The following IL1RAPL1 variants were observed in gnomAD, a reference collection of about 807,000 sequenced individuals.
The protein encoded by IL1RAPL1 is interleukin-1 receptor accessory protein-like 1.
In IL1RAPL1, 3 loss-of-function variants were observed where a neutral mutation model predicts 48.4. The ratio of observed to expected loss-of-function variants is 0.06; its 90% confidence interval spans 0.03 to 0.16. The LOEUF is 0.16. Ranked by LOEUF, IL1RAPL1 falls within the 10% of genes least tolerant of loss-of-function variation. The pLI, the probability that IL1RAPL1 is intolerant of heterozygous loss-of-function variation, is 1.00. For missense variants in IL1RAPL1, 349 were observed against 530.6 expected (o/e 0.66, Z 3.36); for synonymous variants, 185 against 187.7 (o/e 0.99, Z 0.12).
intron 5 of IL1RAPL1, among the ~76,000 whole-genome samples, chrX:29,421,841 C>G (rs1030391097): frequency 1.1e-4 from 12 of 112,109 alleles, no homozygotes; most frequent in African/African-American, 3.9e-4. Context: ...GTCCTGTTTG[C>G]AGCCTGGTAC....
intron 5 of IL1RAPL1, among the ~76,000 whole-genome samples, chrX:29,565,246 C>A (rs1922361262): frequency 9.1e-6 from 1 of 109,665 alleles, no homozygotes; most frequent in African/African-American, 3.3e-5. Context: ...GAAATTACTC[C>A]AGATGAAATG....
At chrX:29,125,981 T>C (rs974176978) in intron 2 of IL1RAPL1, among the ~76,000 whole-genome samples, 1 of 109,379 alleles carries the variant, frequency 9.1e-6, no homozygotes, top group Non-Finnish European at 1.9e-5. Flanking sequence ...AAATACATCA[T>C]CTGTACCATG....
intron 2 of IL1RAPL1, among the ~76,000 whole-genome samples, chrX:29,216,240 AG>A (rs1353081339): frequency 9.0e-6 from 1 of 110,642 alleles, no homozygotes. Flanking sequence ...CCCAGGCTGG[AG>A]TGCAGTGGTG....
At chrX:29,741,038 C>T (rs930823840) in intron 6 of IL1RAPL1, among the ~76,000 whole-genome samples, 1 of 111,848 alleles carries the variant, frequency 8.9e-6, no homozygotes, top group Non-Finnish European at 1.9e-5. Context: ...AAGAAATATA[C>T]AAAAATAGTC....
chrX:29,178,604 A>T (rs1000386869), intron 2 of IL1RAPL1, among the ~76,000 whole-genome samples: 1 of 111,388 alleles, frequency 9.0e-6, no homozygotes, highest in Non-Finnish European at 1.9e-5. Flanking sequence ...GTTTAATTAG[A>T]TCCCATTTGT....
intron 6 of IL1RAPL1, among the ~76,000 whole-genome samples, chrX:29,671,583 G>A (rs1926143033): frequency 8.9e-6 from 1 of 112,255 alleles, no homozygotes; most frequent in Non-Finnish European, 1.9e-5. Context: ...TATGTGAATA[G>A]CACTTTTTTG....
intron 2 of IL1RAPL1, among the ~76,000 whole-genome samples, chrX:29,185,112 C>G (rs1379915397): frequency 8.9e-6 from 1 of 111,825 alleles, no homozygotes; most frequent in African/African-American, 3.3e-5. Context: ...TCTAAATGAT[C>G]GTGAGTAATT....
intron 1 of IL1RAPL1, among the ~76,000 whole-genome samples, chrX:28,616,346 C>T (rs7056889): frequency 0.08 from 8,961 of 111,737 alleles, 290 homozygotes; most frequent in African/African-American, 0.12. Flanking sequence ...GATTTATGTA[C>T]AGATCAAAGC....
chrX:28,806,592 A>T (rs1461451361), intron 2 of IL1RAPL1, among the ~76,000 whole-genome samples: 2 of 111,275 alleles, frequency 1.8e-5, no homozygotes, highest in African/African-American at 6.5e-5. Flanking sequence ...GGTGAATAGA[A>T]GTGGCCTACA....
In IL1RAPL1 at chrX:29,270,117, A is replaced by G. The variant is rs190747256; in HGVS notation, c.83-12821A>G. ...TTCATTCATTTTTAACTAGTATTTA[A>G]TTATATGACTACATTCATCATTTGC... On this transcript the variant is annotated intron_variant, in intron 2 of 10. Coordinates refer to ENST00000378993, the MANE Select transcript of IL1RAPL1 (RefSeq NM_014271.4). 6.3e-5 allele frequency among the ~76,000 whole-genome samples: 7 copies of G among 111,987 alleles called. No individual in the cohort carries two copies. The East Asian group carries it at 1.9e-3, about 31-fold the overall frequency.
intron 5 of IL1RAPL1, among the ~76,000 whole-genome samples, chrX:29,632,152 CT>C (rs1268652852): frequency 1.9e-3 from 190 of 101,943 alleles, no homozygotes; most frequent in Middle Eastern, 4.9e-3. Flanking sequence ...TTGGTTGTAA[CT>C]TTTTTTTTTT....
At chrX:29,818,229 G>GA (rs1004706613) in intron 6 of IL1RAPL1, among the ~76,000 whole-genome samples, 1 of 112,283 alleles carries the variant, frequency 8.9e-6, no homozygotes, top group East Asian at 2.8e-4. Flanking sequence ...TTGAACAGTG[G>GA]AAAAAAATGC....
At chrX:28,695,095 AC>A (rs1935216433) in intron 1 of IL1RAPL1, among the ~76,000 whole-genome samples, 1 of 111,722 alleles carries the variant, frequency 9.0e-6, no homozygotes, top group South Asian at 3.7e-4. Context: ...AGTACTCCAC[AC>A]GGTGTTCCTG....
chrX:29,423,853 C>T (rs1440706198), intron 5 of IL1RAPL1, among the ~76,000 whole-genome samples: 1 of 111,765 alleles, frequency 8.9e-6, no homozygotes, highest in Non-Finnish European at 1.9e-5. Context: ...CTGCATTTTA[C>T]CCTGTACTTC....
At chrX:28,728,868 A>G (rs954393916) in intron 1 of IL1RAPL1, among the ~76,000 whole-genome samples, 1 of 111,443 alleles carries the variant, frequency 9.0e-6, no homozygotes, top group Admixed American at 9.6e-5. Context: ...AGTGTTTTAT[A>G]TTTACTTTCT....
At chrX:28,908,880 C>G (rs1344123544) in intron 2 of IL1RAPL1, among the ~76,000 whole-genome samples, 2 of 111,504 alleles carry the variant, frequency 1.8e-5, no homozygotes, top group Non-Finnish European at 3.8e-5. Context: ...TCATTAGGTG[C>G]TTACATATTT....
intron 1 of IL1RAPL1, among the ~76,000 whole-genome samples, chrX:28,696,894 G>A (rs1025083836): frequency 4.5e-5 from 5 of 111,380 alleles, no homozygotes; most frequent in Non-Finnish European, 7.6e-5. Context: ...TATTGCTGCA[G>A]TAAACATCCT....
intron 2 of IL1RAPL1, among the ~76,000 whole-genome samples, chrX:29,020,480 C>T (rs750552452): frequency 1.8e-5 from 2 of 112,506 alleles, no homozygotes; most frequent in African/African-American, 6.4e-5. Context: ...TCTCACAGAG[C>T]CTAGGTATGT....
At chrX:29,156,639 C>G (rs1457614344) in intron 2 of IL1RAPL1, among the ~76,000 whole-genome samples, 1 of 111,598 alleles carries the variant, frequency 9.0e-6, no homozygotes, top group Non-Finnish European at 1.9e-5. Flanking sequence ...TATATCAAAT[C>G]TGTAGTCACA....
Sources: gnomAD v4.1 joint callset for allele counts (sites outside exome capture counted in the v4.1 genomes callset) on GRCh38, gnomAD v4.1.1 for gene constraint, MANE v1.5 for transcripts, NCBI Gene and HGNC (gene_info 2026-07-23, HGNC 2026-07-21) for gene names.